The following SLC25A26 variants were observed in gnomAD, a reference collection of about 807,000 sequenced individuals.
SLC25A26 encodes the protein mitochondrial S-adenosylmethionine carrier protein.
In SLC25A26, 36 loss-of-function variants were observed where a neutral mutation model predicts 37.8. That is an observed-to-expected ratio of 0.95 (90% CI 0.73 to 1.26). The LOEUF is 1.26. Among genes scored for constraint, SLC25A26 ranks in the 50% most tolerant of loss-of-function variants. SLC25A26 has a pLI of 0.00. For missense variants in SLC25A26, 390 were observed against 331.1 expected (o/e 1.18, Z -1.38); for synonymous variants, 129 against 122.5 (o/e 1.05, Z -0.35).
Position 66,199,258 on chromosome 3 carries a change from A to G in SLC25A26, c.-353-21484A>G, listed in dbSNP as rs1270137220. 5.3e-5 allele frequency among the ~76,000 whole-genome samples: 8 copies of G among 151,610 alleles called. No homozygotes were observed. In the East Asian group the frequency reaches 1.4e-3, roughly 26 times the overall value. On this transcript the variant is annotated intron_variant, in intron 1 of 10. Transcript: ENST00000676754. ...CTCTCACCCTACCTTTACCCTGACC[A>G]TGACCTTGACTGTGATCTAAATCAC... is the stretch of plus-strand genomic sequence containing the variant.
At chr3:66,353,159 C>T (rs1314436382) in intron 6 of SLC25A26, among the ~76,000 whole-genome samples, 2 of 152,218 alleles carry the variant, frequency 1.3e-5, no homozygotes, top group Non-Finnish European at 2.9e-5. Flanking sequence ...TTGTCTTTCA[C>T]CTAGTTGCCT....
intron 1 of SLC25A26, among the ~76,000 whole-genome samples, chr3:66,194,786 A>G (rs1034621710): frequency 1.9e-3 from 292 of 152,294 alleles, no homozygotes; most frequent in African/African-American, 6.5e-3. Flanking sequence ...TTTTTAGTAG[A>G]GACGGGGTTT....
At chr3:66,243,004 G>C (rs1481943750) in intron 2 of SLC25A26, among the ~76,000 whole-genome samples, 199 bp from the exon 3 acceptor site, 1 of 152,180 alleles carries the variant, frequency 6.6e-6, no homozygotes, top group East Asian at 1.9e-4. Context: ...CTGCATTTTT[G>C]TAAGTCTAAG....
rs370856563 is a variant in SLC25A26, at chr3:66,370,502, C to G, written c.634-27C>G. 2.4e-5 allele frequency: 38 copies of G among 1,592,376 alleles called. No individual in the cohort carries two copies. The South Asian group carries it at 4.2e-4, about 18-fold the overall frequency. On this transcript the variant is annotated intron_variant, in intron 8 of 9. Transcript: ENST00000354883. ...TGTGATTGGGAGCTTCAGAAGATAA[C>G]GGGTTTCTCTTTGTCTGTTCACACA...
At chr3:66,261,987 CA>C in intron 3 of SLC25A26, 63 bp from the exon 4 acceptor site, 5 of 988,064 alleles carry the variant, frequency 5.1e-6, no homozygotes, top group South Asian at 4.6e-5. Context: ...TTTTGCTTAC[CA>C]AAAAATTTCA....
intron 6 of SLC25A26, among the ~76,000 whole-genome samples, chr3:66,349,073 G>GTTT (rs2076391625): frequency 6.6e-6 from 1 of 152,070 alleles, no homozygotes; most frequent in Non-Finnish European, 1.5e-5. Context: ...GCCTAAAGAA[G>GTTT]GAAAAAGCAT....
chr3:66,264,579 G>A (rs1332739703), intron 5 of SLC25A26, among the ~76,000 whole-genome samples: 1 of 152,172 alleles, frequency 6.6e-6, no homozygotes, highest in Non-Finnish European at 1.5e-5. Flanking sequence ...GCGCATGTGA[G>A]GGATTTAGGT....
intron 1 of SLC25A26, among the ~76,000 whole-genome samples, chr3:66,227,266 A>G (rs2071801492): frequency 6.6e-6 from 1 of 152,208 alleles, no homozygotes; most frequent in Non-Finnish European, 1.5e-5. Flanking sequence ...CAGCAGTGTG[A>G]ATATTTCCAT....
intron 5 of SLC25A26, among the ~76,000 whole-genome samples, chr3:66,282,671 A>G (rs563534253): frequency 6.6e-6 from 1 of 152,356 alleles, no homozygotes; most frequent in Non-Finnish European, 1.5e-5. Context: ...ATATATTTAC[A>G]TCAGGCAAGA....
intron 5 of SLC25A26, among the ~76,000 whole-genome samples, chr3:66,273,533 C>G (rs968910535): frequency 6.6e-6 from 1 of 152,096 alleles, no homozygotes; most frequent in African/African-American, 2.4e-5. Flanking sequence ...TCTCCTTAAG[C>G]TGATAAGCAA....
At chr3:66,259,934 G>A (rs1052472436) in intron 3 of SLC25A26, among the ~76,000 whole-genome samples, 11 of 152,098 alleles carry the variant, frequency 7.2e-5, no homozygotes, top group African/African-American at 2.2e-4. Flanking sequence ...TTGGTAATAC[G>A]GAATGGTGTG....
intron 1 of SLC25A26, among the ~76,000 whole-genome samples, chr3:66,175,117 A>ATG (rs2070561063): frequency 5.6e-5 from 5 of 89,116 alleles, no homozygotes; most frequent in African/African-American, 2.1e-4. Flanking sequence ...GTGTATATAT[A>ATG]TATATATATA....
At chr3:66,345,775 G>A (rs527470584) in intron 5 of SLC25A26, among the ~76,000 whole-genome samples, 49 of 152,226 alleles carry the variant, frequency 3.2e-4, no homozygotes, top group African/African-American at 8.9e-4. Context: ...GAAATGTCAC[G>A]TCCTAAAGTG....
At chr3:66,150,633 T>TC (rs2070192364) in intron 1 of SLC25A26, among the ~76,000 whole-genome samples, 1 of 86,650 alleles carries the variant, frequency 1.2e-5, no homozygotes, top group African/African-American at 4.7e-5. Context: ...TATATATATA[T>TC]ATATATATAT....
At chr3:66,265,156 C>A (rs185710726) in intron 5 of SLC25A26, among the ~76,000 whole-genome samples, 1 of 151,648 alleles carries the variant, frequency 6.6e-6, no homozygotes, top group South Asian at 2.1e-4. Flanking sequence ...CTATAACATA[C>A]GAAAACTAGC....
intron 1 of SLC25A26, among the ~76,000 whole-genome samples, chr3:66,186,256 C>G (rs1174968445): frequency 6.6e-6 from 1 of 151,992 alleles, no homozygotes; most frequent in Admixed American, 6.6e-5. Context: ...CCCTGACCCT[C>G]AACCTTTCAT....
At chr3:66,365,531 A>C (rs1203495089) in intron 7 of SLC25A26, among the ~76,000 whole-genome samples, 1 of 152,154 alleles carries the variant, frequency 6.6e-6, no homozygotes, top group Non-Finnish European at 1.5e-5. Flanking sequence ...ATTTGCTACT[A>C]TAGTGGTATT....
chr3:66,300,822 A>G (rs974966922), intron 5 of SLC25A26, among the ~76,000 whole-genome samples: 18 of 152,192 alleles, frequency 1.2e-4, no homozygotes, highest in African/African-American at 4.1e-4. Context: ...TAACACGTGT[A>G]TTATATTTTA....
chr3:66,209,376 T>C (rs1175118277), intron 1 of SLC25A26, among the ~76,000 whole-genome samples: 1 of 140,470 alleles, frequency 7.1e-6, no homozygotes, highest in South Asian at 2.3e-4. Flanking sequence ...TATATATACA[T>C]ATGTACATGT....
Sources: allele counts gnomAD v4.1 joint callset (sites outside exome capture counted in the v4.1 genomes callset), GRCh38; gene constraint gnomAD v4.1.1; transcripts MANE v1.5; gene names NCBI Gene and HGNC (gene_info 2026-07-23, HGNC 2026-07-21).